The following MACROD2 variants were observed in gnomAD, a reference collection of about 807,000 sequenced individuals.
The protein encoded by MACROD2 is mono-ADP ribosylhydrolase 2, also known as ADP-ribose glycohydrolase MACROD2.
Under a neutral mutation model 70.4 loss-of-function variants are expected in MACROD2, and 36 were observed. The ratio of observed to expected loss-of-function variants is 0.51; its 90% CI spans 0.39 to 0.68. MACROD2 has a LOEUF of 0.68. Among genes scored for constraint, MACROD2 ranks in the 30% least tolerant of loss-of-function variants. MACROD2 has a pLI of 0.00. For synonymous variants in MACROD2, 172 were observed against 178.8 expected (o/e 0.96, Z 0.30); for missense variants, 496 against 538.4 (o/e 0.92, Z 0.78).
At chr20:14,839,548 A>G (rs536965880) in intron 5 of MACROD2, among the ~76,000 whole-genome samples, 2 of 152,174 alleles carry the variant, frequency 1.3e-5, no homozygotes, top group South Asian at 2.1e-4. Flanking sequence ...AATGTTTATC[A>G]TGGCATGGTG....
At chr20:14,682,329 C>T (rs1358838828) in intron 4 of MACROD2, among the ~76,000 whole-genome samples, 1 of 151,628 alleles carries the variant, frequency 6.6e-6, no homozygotes, top group African/African-American at 2.4e-5. Context: ...TTAATTTTTC[C>T]CTTATACAGT....
At chr20:14,759,326 A>G (rs1482498595) in intron 5 of MACROD2, among the ~76,000 whole-genome samples, 5 of 152,144 alleles carry the variant, frequency 3.3e-5, no homozygotes, top group African/African-American at 4.8e-5. Flanking sequence ...AGAGTATTTG[A>G]TAGCATAACT....
intron 6 of MACROD2, among the ~76,000 whole-genome samples, chr20:15,288,863 GTCTGTCTA>G (rs1182481090): frequency 4.5e-5 from 6 of 132,392 alleles, no homozygotes; most frequent in East Asian, 2.2e-4. Context: ...ATGTCTGTCT[GTCTGTCTA>G]TCTATCTATC....
chr20:14,568,235 A>G (rs955666968), intron 4 of MACROD2, among the ~76,000 whole-genome samples: 1 of 152,086 alleles, frequency 6.6e-6, no homozygotes, highest in Admixed American at 6.6e-5. Context: ...TGACTACTTA[A>G]GAAATAAATA....
At chr20:14,503,920 C>A (rs1026680582) in intron 4 of MACROD2, among the ~76,000 whole-genome samples, 1 of 152,176 alleles carries the variant, frequency 6.6e-6, no homozygotes, top group African/African-American at 2.4e-5. Context: ...AGGAATAATT[C>A]TACATCTCCA....
intron 3 of MACROD2, among the ~76,000 whole-genome samples, chr20:14,488,038 A>G (rs144056599): frequency 1.0e-3 from 157 of 152,276 alleles, no homozygotes; most frequent in African/African-American, 3.7e-3. Context: ...AGCTCCCCCA[A>G]AAATGTGGAT....
At chr20:14,055,581 T>C (rs2053623039) in intron 2 of MACROD2, among the ~76,000 whole-genome samples, 1 of 151,882 alleles carries the variant, frequency 6.6e-6, no homozygotes, top group Non-Finnish European at 1.5e-5. Flanking sequence ...TTTACCAGTC[T>C]GGGCATAGGG....
chr20:14,936,395 A>C (rs1040293068), intron 5 of MACROD2, among the ~76,000 whole-genome samples: 1 of 152,158 alleles, frequency 6.6e-6, no homozygotes, highest in Non-Finnish European at 1.5e-5. Context: ...AGATATTTCC[A>C]TCTGCTCTAG....
At chr20:15,015,622 GGAA>G (rs1303747104) in intron 5 of MACROD2, among the ~76,000 whole-genome samples, 4 of 152,054 alleles carry the variant, frequency 2.6e-5, no homozygotes, top group African/African-American at 9.7e-5. Context: ...TTCAGTACTT[GGAA>G]GAAGGCAACA....
chr20:15,116,700 CT>C (rs1252255335), intron 5 of MACROD2, among the ~76,000 whole-genome samples: 1 of 152,152 alleles, frequency 6.6e-6, no homozygotes, highest in Non-Finnish European at 1.5e-5. Context: ...ATAACATCTT[CT>C]TTTATCTAGC....
At chr20:14,386,783 C>T (rs532414158) in intron 3 of MACROD2, among the ~76,000 whole-genome samples, 1 of 152,280 alleles carries the variant, frequency 6.6e-6, no homozygotes, top group South Asian at 2.1e-4. Flanking sequence ...ATAAATTACC[C>T]AGTATCGGGT....
intron 5 of MACROD2, among the ~76,000 whole-genome samples, chr20:15,121,330 G>T (rs559921417): frequency 2.5e-4 from 38 of 152,024 alleles, no homozygotes; most frequent in African/African-American, 8.9e-4. Flanking sequence ...TGGCCAACAC[G>T]GTGAAACCCT....
chr20:14,233,143 A>T (rs1182167191), intron 3 of MACROD2, among the ~76,000 whole-genome samples: 1 of 152,190 alleles, frequency 6.6e-6, no homozygotes, highest in Non-Finnish European at 1.5e-5. Context: ...AGACAATTAC[A>T]GTTATAACAT....
At chr20:15,612,056 C>T (rs936770826) in intron 8 of MACROD2, among the ~76,000 whole-genome samples, 2 of 151,722 alleles carry the variant, frequency 1.3e-5, no homozygotes, top group Non-Finnish European at 2.9e-5. Flanking sequence ...CTGGTGGAGT[C>T]GATTTTCATA....
At chr20:15,670,459 T>C (rs2049964790) in intron 8 of MACROD2, among the ~76,000 whole-genome samples, 1 of 152,168 alleles carries the variant, frequency 6.6e-6, no homozygotes, top group Admixed American at 6.5e-5. Context: ...GGAATTAAAG[T>C]CATCTTTGCT....
chr20:15,848,262 GC>G (rs1185474849), intron 8 of MACROD2, among the ~76,000 whole-genome samples: 3 of 151,894 alleles, frequency 2.0e-5, no homozygotes, highest in African/African-American at 7.3e-5. Context: ...CTGGCTCCAT[GC>G]CACTAAGTCA....
At chr20:14,500,344 G>A (rs1304911641) in intron 4 of MACROD2, among the ~76,000 whole-genome samples, 2 of 152,128 alleles carry the variant, frequency 1.3e-5, no homozygotes, top group African/African-American at 2.4e-5. Flanking sequence ...TCGCCAGTGC[G>A]AGCTCCTCCC....
At chr20:15,117,602 A>C (rs751750119) in intron 5 of MACROD2, among the ~76,000 whole-genome samples, 6 of 152,102 alleles carry the variant, frequency 3.9e-5, no homozygotes, top group Non-Finnish European at 8.8e-5. Context: ...TTTCCAGTAG[A>C]GATTTGATTG....
chr20:16,041,574 A>G, intron 16 of MACROD2, among the ~76,000 whole-genome samples: 1 of 151,966 alleles, frequency 6.6e-6, no homozygotes, highest in East Asian at 1.9e-4. Context: ...CTATCTAGTG[A>G]ACTTTATGGA....
Sources: allele counts gnomAD v4.1 joint callset (sites outside exome capture counted in the v4.1 genomes callset), GRCh38; gene constraint gnomAD v4.1.1; transcripts MANE v1.5; gene names NCBI Gene and HGNC (gene_info 2026-07-23, HGNC 2026-07-21).